The following KCNH8 variants were observed in gnomAD, a reference collection of about 807,000 sequenced individuals.
KCNH8 encodes voltage-gated delayed rectifier potassium channel KCNH8.
Under a neutral mutation model 103.6 loss-of-function variants are expected in KCNH8, and 70 were observed. The ratio of observed to expected loss-of-function variants is 0.68; its 90% confidence interval spans 0.56 to 0.82. KCNH8 has a LOEUF of 0.82. KCNH8 is among the 40% of genes least tolerant of loss of function. The pLI is 0.00. For missense variants in KCNH8, 1,217 were observed against 1,329.9 expected, an observed-to-expected ratio of 0.92 and a Z score of 1.32; for synonymous variants, 498 against 489.4, an observed-to-expected ratio of 1.02 and a Z score of -0.23.
At chr3:19,498,985 C>T (rs933456124) in intron 11 of KCNH8, among the ~76,000 whole-genome samples, 1 of 152,114 alleles carries the variant, frequency 6.6e-6, no homozygotes, top group Non-Finnish European at 1.5e-5. Context: ...TCTCTTCAAA[C>T]CTCAGATGGC....
intron 7 of KCNH8, among the ~76,000 whole-genome samples, chr3:19,402,627 C>T (rs1265147060): frequency 1.3e-5 from 2 of 151,724 alleles, no homozygotes; most frequent in Non-Finnish European, 2.9e-5. Flanking sequence ...ATATGCTATA[C>T]CACAAATTCC....
chr3:19,481,778 T>G (rs1380740813), intron 11 of KCNH8, among the ~76,000 whole-genome samples: 1 of 152,222 alleles, frequency 6.6e-6, no homozygotes, highest in Non-Finnish European at 1.5e-5. Context: ...AGGCATTTAT[T>G]CTTTCAGCTC....
intron 1 of KCNH8, among the ~76,000 whole-genome samples, chr3:19,195,254 C>T (rs1270706127): frequency 1.3e-5 from 2 of 151,860 alleles, no homozygotes; most frequent in African/African-American, 4.8e-5. Flanking sequence ...CCTGGGCTTC[C>T]TGAAGTTCTA....
intron 5 of KCNH8, among the ~76,000 whole-genome samples, chr3:19,377,476 A>G (rs535030148): frequency 4.6e-5 from 7 of 152,214 alleles, no homozygotes; most frequent in Non-Finnish European, 1.0e-4. Flanking sequence ...TTTATCCAAT[A>G]TATTTATGCT....
chr3:19,252,411 C>T (rs1361842698), intron 1 of KCNH8, among the ~76,000 whole-genome samples: 6 of 149,822 alleles, frequency 4.0e-5, no homozygotes, highest in African/African-American at 1.2e-4. Flanking sequence ...CTTTTTGAGA[C>T]GGAGTTTCGC....
At position 19,347,892 on chromosome 3, in the gene KCNH8, T is replaced by A. The variant is rs2065749326; in HGVS notation, c.738T>A (p.Ile246=). The A allele has an allele frequency of 6.2e-7, 1 of 1,613,388 alleles. No individual in the cohort carries two copies. Among genetic ancestry groups the A allele is most frequent in the Non-Finnish European group, 8.5e-7 (1 of 1,179,498 alleles). ...CTGTACCTTACAACGTTTGCTTTAT[T>A]GGCAATGACGACCTGTCCACAACTC... ...AVTVPYNVCF[I]GNDDLSTTRS... Residue 246 remains isoleucine, a synonymous_variant, in exon 5 of 16, where the codon ATT becomes ATA. Coordinates refer to ENST00000328405, the MANE Select transcript of KCNH8 (RefSeq NM_144633.3).
chr3:19,377,063 A>G (rs1383040150), intron 5 of KCNH8, among the ~76,000 whole-genome samples: 3 of 152,248 alleles, frequency 2.0e-5, no homozygotes, highest in Non-Finnish European at 4.4e-5. Flanking sequence ...TGTCTAGAAT[A>G]CAATGGGAAT....
rs138689392 is a variant in KCNH8, at chr3:19,457,884, T to C, written c.2040+902T>C. On this transcript the variant is annotated intron_variant, in intron 11 of 15. Transcript: ENST00000328405. Reference sequence around the variant, plus strand: ...TTTTATCTTGGTTGGGGCTATCTAATGACAGTAAGTATGTAGATAATATCC... The same window carrying C: ...TTTTATCTTGGTTGGGGCTATCTAACGACAGTAAGTATGTAGATAATATCC... Among the ~76,000 whole-genome samples the C allele has an allele frequency of 1.3e-3, 200 of 152,156 alleles. 1 individual carries two copies. The highest frequency in any genetic ancestry group is 0.01 in the Middle Eastern group (3 of 294).
intron 1 of KCNH8, among the ~76,000 whole-genome samples, chr3:19,162,675 A>G (rs1393736477): frequency 6.6e-6 from 1 of 152,114 alleles, no homozygotes; most frequent in East Asian, 1.9e-4. Flanking sequence ...TTTGTTTTTA[A>G]TTAGATAAAT....
At chr3:19,450,590 C>T (rs771904103) in intron 9 of KCNH8, 7 of 405,578 alleles carry the variant, frequency 1.7e-5, no homozygotes, top group Non-Finnish European at 2.7e-5. Context: ...TCAATTCTTA[C>T]GATAATTTAA....
chr3:19,352,969 A>T (rs1248293645), intron 5 of KCNH8, among the ~76,000 whole-genome samples: 1 of 152,178 alleles, frequency 6.6e-6, no homozygotes, highest in Non-Finnish European at 1.5e-5. Context: ...AAAGATCAAC[A>T]AAATTGATAG....
At chr3:19,446,355 C>T (rs1243511890) in intron 8 of KCNH8, among the ~76,000 whole-genome samples, 1 of 151,966 alleles carries the variant, frequency 6.6e-6, no homozygotes, top group African/African-American at 2.4e-5. Flanking sequence ...ATTATTATCA[C>T]AAAGTAATCA....
chr3:19,317,511 A>G (rs1252272242), intron 3 of KCNH8, among the ~76,000 whole-genome samples: 1 of 151,912 alleles, frequency 6.6e-6, no homozygotes, highest in African/African-American at 2.4e-5. Context: ...TGGACATGCT[A>G]TTTAAACCTA....
intron 7 of KCNH8, among the ~76,000 whole-genome samples, chr3:19,417,889 GAAT>G (rs1467498621): frequency 9.2e-5 from 14 of 152,074 alleles, no homozygotes; most frequent in Admixed American, 7.9e-4. Flanking sequence ...ATACTGTTGT[GAAT>G]AATACTAAGA....
chr3:19,324,285 G>C (rs1384996796), intron 3 of KCNH8, among the ~76,000 whole-genome samples: 5 of 152,076 alleles, frequency 3.3e-5, no homozygotes, highest in Non-Finnish European at 7.3e-5. Context: ...CACATGGCTG[G>C]GGAGGCCTCG....
At chr3:19,290,054 T>G (rs1262934279) in intron 3 of KCNH8, among the ~76,000 whole-genome samples, 2 of 152,128 alleles carry the variant, frequency 1.3e-5, no homozygotes, top group South Asian at 4.1e-4. Context: ...GTTTGTCTGT[T>G]ATTGGTGTAT....
intron 3 of KCNH8, among the ~76,000 whole-genome samples, chr3:19,327,357 T>C (rs917452366): frequency 6.6e-6 from 1 of 152,238 alleles, no homozygotes; most frequent in African/African-American, 2.4e-5. Flanking sequence ...TGGTGTGATC[T>C]AGGCTCACTG....
At chr3:19,182,602 G>T (rs936044799) in intron 1 of KCNH8, among the ~76,000 whole-genome samples, 1 of 152,156 alleles carries the variant, frequency 6.6e-6, no homozygotes, top group East Asian at 1.9e-4. Flanking sequence ...TCAGAGCCCT[G>T]ATATAATCCT....
At position 19,273,546 on chromosome 3, in the gene KCNH8, T is replaced by G. The variant is rs569169681; in HGVS notation, c.311-7652T>G. Among the ~76,000 whole-genome samples the G allele has an allele frequency of 2.6e-5, 4 of 152,316 alleles. No individual in the cohort carries two copies. In the East Asian group the frequency reaches 7.7e-4, roughly 29 times the overall value. On this transcript the variant is annotated intron_variant, in intron 2 of 15. Coordinates refer to ENST00000328405, the MANE Select transcript of KCNH8 (RefSeq NM_144633.3). ...CTTAGCAGATGAATCCAGGGAATGT[T>G]ACTCTGCATCCTACACAGAGCTGCC...
Sources: gnomAD v4.1 joint callset for allele counts (sites outside exome capture counted in the v4.1 genomes callset) on GRCh38, gnomAD v4.1.1 for gene constraint, MANE v1.5 for transcripts, NCBI Gene and HGNC (gene_info 2026-07-23, HGNC 2026-07-21) for gene names.